GRM8: variants seen among roughly 807,000 people sequenced by gnomAD.
The protein encoded by GRM8 is glutamate metabotropic receptor 8.
Under a neutral mutation model 87.2 loss-of-function variants are expected in GRM8, and 47 were observed. The ratio of observed to expected loss-of-function variants is 0.54; its 90% CI spans 0.43 to 0.69. The LOEUF (loss-of-function observed/expected upper bound fraction) is 0.69. Ranked by LOEUF, GRM8 falls within the 30% of genes least tolerant of loss-of-function variation. The probability of loss-of-function intolerance (pLI) is 0.00; values close to 1 mark genes in which losing one functional copy is unlikely to be tolerated. For synonymous variants in GRM8, 396 were observed against 404.5 expected, an observed-to-expected ratio of 0.98 and a Z score of 0.25; for missense variants, 1,019 against 1,139.2, an observed-to-expected ratio of 0.89 and a Z score of 1.52.
chr7:126,461,529 C>A (rs1204426832), intron 9 of GRM8, among the ~76,000 whole-genome samples: 1 of 151,570 alleles, frequency 6.6e-6, no homozygotes, highest in Non-Finnish European at 1.5e-5. Flanking sequence ...AAGGTTGGAC[C>A]ATCCTTTATT....
At chr7:126,788,800 A>C (rs1239711774) in intron 6 of GRM8, among the ~76,000 whole-genome samples, 1 of 152,074 alleles carries the variant, frequency 6.6e-6, no homozygotes, top group African/African-American at 2.4e-5. Context: ...AAAAAAAAAA[A>C]AACCTCAGAG....
rs77178377 is a variant in GRM8, at chr7:126,830,435, C to T, written c.1157-60370G>A. 7.9e-5 allele frequency among the ~76,000 whole-genome samples: 12 copies of T among 152,260 alleles called. No homozygotes were observed. In the South Asian group the frequency reaches 1.7e-3, roughly 21 times the overall value. ...TATTTTTTCTCTAAACTTCCCTTCT[C>T]GCTTCATTTCATTCATTTCATCTTC... On this transcript the variant is annotated intron_variant, in intron 6 of 10. Coordinates refer to ENST00000339582, the MANE Select transcript of GRM8 (RefSeq NM_000845.3).
chr7:127,195,132 T>C (rs1392762816), intron 2 of GRM8, among the ~76,000 whole-genome samples: 1 of 152,198 alleles, frequency 6.6e-6, no homozygotes, highest in East Asian at 1.9e-4. Context: ...TTGTATCTGA[T>C]ACATATGTAC....
chr7:126,551,576 A>G (rs560926732), intron 8 of GRM8, among the ~76,000 whole-genome samples: 1 of 152,290 alleles, frequency 6.6e-6, no homozygotes, highest in Non-Finnish European at 1.5e-5. Flanking sequence ...ATGAGACATA[A>G]AGCTCATCAT....
At chr7:126,910,782 G>A (rs1023457764) in intron 3 of GRM8, among the ~76,000 whole-genome samples, 5 of 152,188 alleles carry the variant, frequency 3.3e-5, no homozygotes, top group African/African-American at 1.2e-4. Flanking sequence ...GCTGAGACTT[G>A]TGGGTGAGTG....
At chr7:126,877,372 T>C (rs984598038) in intron 6 of GRM8, among the ~76,000 whole-genome samples, 1 of 152,210 alleles carries the variant, frequency 6.6e-6, no homozygotes, top group Non-Finnish European at 1.5e-5. Flanking sequence ...ACTCGTCAGA[T>C]GTGGTTTTAA....
At chr7:126,715,635 A>T (rs908803497) in intron 7 of GRM8, among the ~76,000 whole-genome samples, 3 of 152,324 alleles carry the variant, frequency 2.0e-5, no homozygotes, top group East Asian at 1.9e-4. Context: ...CTCCAAAAAA[A>T]TTTCCAATAC....
intron 9 of GRM8, among the ~76,000 whole-genome samples, chr7:126,492,696 T>A (rs1808164432): frequency 6.6e-6 from 1 of 152,088 alleles, no homozygotes; most frequent in Non-Finnish European, 1.5e-5. Flanking sequence ...AACTTAGGTA[T>A]TTTTATTATT....
chr7:126,504,343 A>C (rs916693620), intron 9 of GRM8, among the ~76,000 whole-genome samples: 6 of 152,080 alleles, frequency 3.9e-5, no homozygotes, highest in African/African-American at 1.4e-4. Context: ...ATATTAATTC[A>C]GTGTTTCATC....
chr7:126,828,759 G>T (rs548994806), intron 6 of GRM8, among the ~76,000 whole-genome samples: 5 of 152,158 alleles, frequency 3.3e-5, no homozygotes, highest in Admixed American at 2.6e-4. Context: ...GAATGTGTTT[G>T]CTCTTGCTTC....
chr7:127,178,880 A>G (rs1008144868), intron 2 of GRM8, among the ~76,000 whole-genome samples: 3 of 152,316 alleles, frequency 2.0e-5, no homozygotes, highest in South Asian at 2.1e-4. Flanking sequence ...ACATCAAAAC[A>G]GAAACTCTTT....
chr7:126,739,387 G>C (rs1425921142), intron 7 of GRM8, among the ~76,000 whole-genome samples: 1 of 150,140 alleles, frequency 6.7e-6, no homozygotes, highest in Non-Finnish European at 1.5e-5. Flanking sequence ...TCCATCCAAA[G>C]TTACTCAAAA....
chr7:127,117,166 A>G (rs1826745284), intron 2 of GRM8, among the ~76,000 whole-genome samples: 1 of 152,246 alleles, frequency 6.6e-6, no homozygotes, highest in South Asian at 2.1e-4. Flanking sequence ...ATTGAAAAGT[A>G]GGAGGAAACT....
intron 6 of GRM8, among the ~76,000 whole-genome samples, chr7:126,813,233 G>GATAGTATGA (rs1793468007): frequency 6.6e-6 from 1 of 152,032 alleles, no homozygotes; most frequent in Non-Finnish European, 1.5e-5. Flanking sequence ...TACAAAAACT[G>GATAGTATGA]ATAGTATGAA....
chr7:126,886,328 C>CT (rs1800497323), intron 6 of GRM8, among the ~76,000 whole-genome samples: 1 of 152,058 alleles, frequency 6.6e-6, no homozygotes, highest in African/African-American at 2.4e-5. Flanking sequence ...TTAAATTACA[C>CT]TTTTTTAACA....
At chr7:126,462,150 T>C (rs960279476) in intron 9 of GRM8, among the ~76,000 whole-genome samples, 1 of 151,656 alleles carries the variant, frequency 6.6e-6, no homozygotes, top group Non-Finnish European at 1.5e-5. Context: ...CTGAGGCTGT[T>C]AAGTTTTACC....
At chr7:126,830,236 C>A (rs986983426) in intron 6 of GRM8, among the ~76,000 whole-genome samples, 1 of 152,094 alleles carries the variant, frequency 6.6e-6, no homozygotes, top group African/African-American at 2.4e-5. Context: ...TTTCCTGAAT[C>A]TGAATGTTGG....
intron 2 of GRM8, among the ~76,000 whole-genome samples, chr7:127,237,436 C>A (rs1798040848): frequency 2.6e-5 from 4 of 152,066 alleles, no homozygotes; most frequent in Admixed American, 2.6e-4. Context: ...ATAAATAACT[C>A]AAAAAAATGC....
At chr7:127,209,536 A>G (rs544360248) in intron 2 of GRM8, among the ~76,000 whole-genome samples, 1 of 152,318 alleles carries the variant, frequency 6.6e-6, no homozygotes, top group South Asian at 2.1e-4. Flanking sequence ...CTAGAGTCAG[A>G]GTTTCCAGGG....
Sources: gnomAD v4.1 joint callset for allele counts (sites outside exome capture counted in the v4.1 genomes callset) on GRCh38, gnomAD v4.1.1 for gene constraint, MANE v1.5 for transcripts, NCBI Gene and HGNC (gene_info 2026-07-23, HGNC 2026-07-21) for gene names.